THADA: variants seen among roughly 807,000 people sequenced by gnomAD.
THADA encodes THADA armadillo repeat containing, also known as tRNA (32-2'-O)-methyltransferase regulator THADA.
In THADA, 213 loss-of-function variants were observed where a neutral mutation model predicts 219.8. That is an observed-to-expected ratio of 0.97 (90% CI 0.87 to 1.09). The LOEUF (loss-of-function observed/expected upper bound fraction) is 1.09. Ranked by LOEUF, THADA falls within the 50% of genes least tolerant of loss-of-function variation. THADA has a pLI of 0.00. For missense variants in THADA, 2,956 were observed against 2,311.3 expected (o/e 1.28, Z -5.72); for synonymous variants, 1,018 against 828.9 (o/e 1.23, Z -3.92).
intron 29 of THADA, among the ~76,000 whole-genome samples, chr2:43,382,764 T>C (rs1185790893): frequency 6.6e-6 from 1 of 152,204 alleles, no homozygotes; most frequent in Non-Finnish European, 1.5e-5. Flanking sequence ...TAGGAGCTTT[T>C]GACACACTGC....
intron 15 of THADA, among the ~76,000 whole-genome samples, chr2:43,561,183 A>C (rs1698030100): frequency 6.6e-6 from 1 of 152,160 alleles, no homozygotes; most frequent in South Asian, 2.1e-4. Context: ...AAAATGGAAA[A>C]AATTAGACTG....
At chr2:43,417,864 C>T (rs1007284165) in intron 28 of THADA, among the ~76,000 whole-genome samples, 10 of 152,184 alleles carry the variant, frequency 6.6e-5, no homozygotes, top group African/African-American at 2.4e-4. Flanking sequence ...CAACATTCCC[C>T]CCCTCTGTGG....
intron 28 of THADA, among the ~76,000 whole-genome samples, chr2:43,401,527 C>T (rs1432644582): frequency 6.6e-6 from 1 of 152,208 alleles, no homozygotes; most frequent in Non-Finnish European, 1.5e-5. Context: ...ATCCACTCGC[C>T]TCAGCCTCCC....
intron 18 of THADA, 73 bp from the exon 19 acceptor site, chr2:43,551,998 G>T: frequency 6.4e-7 from 1 of 1,574,060 alleles, no homozygotes; most frequent in Non-Finnish European, 8.6e-7. Context: ...TTAGATAAAA[G>T]GATTGACTTT....
chr2:43,237,599 C>T (rs1184449725), intron 36 of THADA, among the ~76,000 whole-genome samples: 1 of 151,488 alleles, frequency 6.6e-6, no homozygotes, highest in Non-Finnish European at 1.5e-5. Context: ...CGGGGTTTCA[C>T]CATCTTGGCC....
In THADA at chr2:43,249,313, C is replaced by G. The variant is rs138534807; in HGVS notation, c.5297-16431G>C. ...ATGTTGTCCAGGCTGGTCTTGAACT[C>G]CTGGGCTCAAGCATTGCTCCCACCT... On this transcript the variant is annotated intron_variant, in intron 36 of 37. Coordinates refer to ENST00000405975, the MANE Select transcript of THADA (RefSeq NM_022065.5). Among the ~76,000 whole-genome samples, 736 of 152,282 alleles carry G rather than the reference C, an allele frequency of 4.8e-3. 22 individuals carry two copies. In the East Asian group the frequency reaches 0.077, roughly 16 times the overall value.
At chr2:43,376,737 C>G (rs1003222906) in intron 29 of THADA, among the ~76,000 whole-genome samples, 2 of 152,176 alleles carry the variant, frequency 1.3e-5, no homozygotes, top group African/African-American at 2.4e-5. Context: ...CATCACTACT[C>G]TGAGGCAAAC....
chr2:43,540,260 T>C (rs575734024), intron 21 of THADA, among the ~76,000 whole-genome samples: 1 of 152,368 alleles, frequency 6.6e-6, no homozygotes, highest in African/African-American at 2.4e-5. Flanking sequence ...TGAAATGTCC[T>C]GTGCGCCTTT....
At chr2:43,453,858 T>C (rs1407938434) in intron 26 of THADA, among the ~76,000 whole-genome samples, 1 of 152,226 alleles carries the variant, frequency 6.6e-6, no homozygotes, top group Admixed American at 6.5e-5. Context: ...ATATTTCTTA[T>C]AGCACCCAGC....
chr2:43,582,250 A>C (rs898096982), intron 7 of THADA, among the ~76,000 whole-genome samples: 8 of 152,182 alleles, frequency 5.3e-5, no homozygotes, highest in Non-Finnish European at 1.2e-4. Context: ...TAATCCCAGC[A>C]CTTTGGTAGG....
At chr2:43,573,646 C>T (rs1699530715) in intron 11 of THADA, among the ~76,000 whole-genome samples, 1 of 152,142 alleles carries the variant, frequency 6.6e-6, no homozygotes, top group African/African-American at 2.4e-5. Context: ...CTCATGGTTA[C>T]TCTTTGAAGT....
intron 29 of THADA, among the ~76,000 whole-genome samples, chr2:43,365,707 A>G (rs146228588): frequency 1.3e-5 from 2 of 152,192 alleles, no homozygotes; most frequent in East Asian, 3.9e-4. Flanking sequence ...ACAGAAGTAG[A>G]TGATACCAGT....
At chr2:43,287,750 G>C (rs368673659) in intron 34 of THADA, among the ~76,000 whole-genome samples, 2 of 152,176 alleles carry the variant, frequency 1.3e-5, no homozygotes, top group African/African-American at 4.8e-5. Flanking sequence ...AAGAACCCCA[G>C]ATTCTTGGCT....
chr2:43,475,623 G>C (rs1685442072), intron 26 of THADA, among the ~76,000 whole-genome samples: 2 of 152,072 alleles, frequency 1.3e-5, no homozygotes, highest in Admixed American at 1.3e-4. Flanking sequence ...TTGCAGAATA[G>C]CATTTTCGTG....
intron 30 of THADA, among the ~76,000 whole-genome samples, chr2:43,338,100 T>C (rs1666676216): frequency 6.6e-6 from 1 of 151,942 alleles, no homozygotes; most frequent in Non-Finnish European, 1.5e-5. Context: ...TTTTTGAGTG[T>C]ACAGTTTGCT....
intron 26 of THADA, among the ~76,000 whole-genome samples, chr2:43,480,479 A>T (rs1348458759): frequency 3.3e-5 from 5 of 152,250 alleles, no homozygotes; most frequent in Admixed American, 2.0e-4. Flanking sequence ...AAAACATAAT[A>T]AATGCTTGTT....
chr2:43,551,745 T>C, intron 19 of THADA, 44 bp downstream of exon 19: 2 of 1,553,692 alleles, frequency 1.3e-6, no homozygotes, highest in South Asian at 1.2e-5. Flanking sequence ...AAAGACATAA[T>C]AATCAAACCA....
At chr2:43,413,881 C>A (rs1350465847) in intron 28 of THADA, among the ~76,000 whole-genome samples, 1 of 152,198 alleles carries the variant, frequency 6.6e-6, no homozygotes, top group Non-Finnish European at 1.5e-5. Flanking sequence ...CCATATTGTA[C>A]AGTTGGCCCT....
At position 43,231,131 on chromosome 2, in the gene THADA, A is replaced by G. The variant is rs746388936; in HGVS notation, c.5679T>C (p.Ala1893=). 1.2e-6 allele frequency: 2 copies of G among 1,613,930 alleles called. No homozygotes were observed. Among genetic ancestry groups the G allele is most frequent in the Non-Finnish European group, 1.7e-6 (2 of 1,179,846 alleles). Reference sequence around the variant, plus strand: ...TGAACTCCACTGTCTTCACAAACTCAGCAGCTGGTGGAAGCTCTCTGAAGA... The same window carrying G: ...TGAACTCCACTGTCTTCACAAACTCGGCAGCTGGTGGAAGCTCTCTGAAGA... ...SQFFRELPPA[A]EFVKTVEFTR... The change falls in exon 38 of 38, where the codon GCT becomes GCC. Residue 1893 remains alanine, a synonymous_variant. Transcript: ENST00000405975.
Sources: gnomAD v4.1 joint callset for allele counts (sites outside exome capture counted in the v4.1 genomes callset) on GRCh38, gnomAD v4.1.1 for gene constraint, MANE v1.5 for transcripts, NCBI Gene and HGNC (gene_info 2026-07-23, HGNC 2026-07-21) for gene names.